The following COMMD10 variants were observed in gnomAD, a reference collection of about 807,000 sequenced individuals.
The protein encoded by COMMD10 is COMM domain-containing protein 10.
Under a neutral mutation model 28.9 loss-of-function variants are expected in COMMD10, and 33 were observed. The observed-to-expected ratio is 1.14, with a 90% CI of 0.87 to 1.53. The LOEUF (loss-of-function observed/expected upper bound fraction) is 1.53, where lower values mean the gene tolerates loss of function less well. Ranked by LOEUF, COMMD10 falls within the 40% of genes most tolerant of loss-of-function variation. The pLI is 0.00. For synonymous variants in COMMD10, 110 were observed against 81.7 expected, an observed-to-expected ratio of 1.35 and a Z score of -1.87; for missense variants, 310 against 233.4, an observed-to-expected ratio of 1.33 and a Z score of -2.14.
chr5:116,217,804 G>A (rs892956936), intron 5 of COMMD10, among the ~76,000 whole-genome samples: 1 of 152,002 alleles, frequency 6.6e-6, no homozygotes, highest in African/African-American at 2.4e-5. Flanking sequence ...AAACTAGAAG[G>A]GAAAAGTGTT....
At chr5:116,088,115 A>G (rs1208358622) in intron 2 of COMMD10, among the ~76,000 whole-genome samples, 1 of 152,200 alleles carries the variant, frequency 6.6e-6, no homozygotes, top group Non-Finnish European at 1.5e-5. Flanking sequence ...AATCCAAGTT[A>G]ATTTAGTTAA....
At chr5:116,181,358 T>A (rs1747952065) in intron 5 of COMMD10, among the ~76,000 whole-genome samples, 3 of 151,222 alleles carry the variant, frequency 2.0e-5, no homozygotes. Context: ...TTGACCAAGA[T>A]TATGCTTTAT....
chr5:116,114,373 G>A (rs1324998257), intron 4 of COMMD10, among the ~76,000 whole-genome samples: 1 of 152,142 alleles, frequency 6.6e-6, no homozygotes, highest in Non-Finnish European at 1.5e-5. Context: ...GTGGTAAGAT[G>A]CTCTCCCCAG....
At chr5:116,194,261 A>G (rs184994278) in intron 5 of COMMD10, among the ~76,000 whole-genome samples, 1 of 152,270 alleles carries the variant, frequency 6.6e-6, no homozygotes, top group Admixed American at 6.5e-5. Context: ...ACTTCAAGGA[A>G]CTAGAGAAAC....
intron 5 of COMMD10, among the ~76,000 whole-genome samples, chr5:116,151,353 T>A (rs1184117940): frequency 6.6e-6 from 1 of 152,150 alleles, no homozygotes; most frequent in East Asian, 1.9e-4. Flanking sequence ...AGCTTTGGTA[T>A]CAGGATGATG....
chr5:116,095,818 G>A (rs1750450521), intron 4 of COMMD10, among the ~76,000 whole-genome samples: 1 of 151,986 alleles, frequency 6.6e-6, no homozygotes, highest in African/African-American at 2.4e-5. Context: ...GCAGGTCAAA[G>A]TTCATTTTTT....
intron 5 of COMMD10, among the ~76,000 whole-genome samples, chr5:116,257,323 T>C (rs1750315538): frequency 6.6e-6 from 1 of 151,676 alleles, no homozygotes; most frequent in Non-Finnish European, 1.5e-5. Context: ...AGGGCCTTTA[T>C]AGAGATTTTA....
Position 116,148,316 on chromosome 5 carries a change from C to A in COMMD10, c.510+14138C>A, listed in dbSNP as rs140985843. On this transcript the variant is annotated intron_variant, in intron 5 of 6. Transcript: ENST00000274458. The stretch of plus-strand genomic sequence containing the variant: ...TTTGTTAATTCATGAGGTTTCTAAA[C>A]CATGAGATTTTGCTCCTTCCCTTTC... Among the ~76,000 whole-genome samples the A allele has an allele frequency of 3.0e-3, 451 of 151,960 alleles. 3 individuals carry two copies. Among genetic ancestry groups the A allele is most frequent in the African/African-American group, 0.01 (433 of 41,490 alleles).
intron 5 of COMMD10, among the ~76,000 whole-genome samples, chr5:116,233,207 G>C (rs1205412049): frequency 1.3e-5 from 2 of 152,118 alleles, no homozygotes; most frequent in Non-Finnish European, 1.5e-5. Flanking sequence ...GATAATGTAT[G>C]TGTGAGAGAG....
At chr5:116,162,437 G>C (rs1752948110) in intron 5 of COMMD10, among the ~76,000 whole-genome samples, 1 of 152,156 alleles carries the variant, frequency 6.6e-6, no homozygotes, top group Non-Finnish European at 1.5e-5. Flanking sequence ...TGGGTATTTT[G>C]TTTCCAGTTA....
chr5:116,214,088 A>G (rs745518323), intron 5 of COMMD10, among the ~76,000 whole-genome samples: 1 of 152,140 alleles, frequency 6.6e-6, no homozygotes. Flanking sequence ...GTGTTTGTGT[A>G]TATTTCATTC....
intron 5 of COMMD10, among the ~76,000 whole-genome samples, chr5:116,244,660 C>CAAAAAAAAAAAA (rs60360733): frequency 6.3e-5 from 5 of 79,472 alleles, no homozygotes; most frequent in South Asian, 5.3e-4. Context: ...AAAAAAATTA[C>CAAAAAAAAAAAA]AAAAAAAAAA....
intron 5 of COMMD10, among the ~76,000 whole-genome samples, chr5:116,186,183 T>C (rs1748130541): frequency 6.6e-6 from 1 of 152,204 alleles, no homozygotes; most frequent in African/African-American, 2.4e-5. Context: ...TTGGTTCAGC[T>C]GCAACTCTGT....
chr5:116,235,244 A>G (rs1456919698), intron 5 of COMMD10, among the ~76,000 whole-genome samples: 1 of 152,200 alleles, frequency 6.6e-6, no homozygotes, highest in Non-Finnish European at 1.5e-5. Context: ...TTGATAATGA[A>G]TACTTAATTC....
Position 116,211,793 on chromosome 5 carries a change from C to G in COMMD10, c.510+77615C>G, listed in dbSNP as rs568104249. Among the ~76,000 whole-genome samples, 39 of 152,212 alleles carry G rather than the reference C, an allele frequency of 2.6e-4. 1 individual carries two copies. The South Asian group carries it at 7.9e-3, about 31-fold the overall frequency. ...ATACACACACATGCACACGCACACT[C>G]TCTCACAGAGGCAGTCAACTGTTCA... On this transcript the variant is annotated intron_variant, in intron 5 of 6. Transcript: ENST00000274458.
At chr5:116,186,745 A>T (rs1748150547) in intron 5 of COMMD10, among the ~76,000 whole-genome samples, 1 of 152,168 alleles carries the variant, frequency 6.6e-6, no homozygotes, top group African/African-American at 2.4e-5. Flanking sequence ...GAATAAATTA[A>T]CAACTGTAGC....
chr5:116,113,065 A>G (rs1258570826), intron 4 of COMMD10, among the ~76,000 whole-genome samples: 3 of 152,096 alleles, frequency 2.0e-5, no homozygotes, highest in East Asian at 3.8e-4. Context: ...TTTCTCCTTT[A>G]TTTATGAAGC....
intron 5 of COMMD10, among the ~76,000 whole-genome samples, chr5:116,159,020 A>G (rs866326788): frequency 1.3e-5 from 2 of 152,094 alleles, no homozygotes; most frequent in Non-Finnish European, 2.9e-5. Flanking sequence ...GTGGCTAATC[A>G]TTTACATTTG....
intron 5 of COMMD10, among the ~76,000 whole-genome samples, chr5:116,252,244 T>G (rs987760504): frequency 9.9e-5 from 14 of 141,858 alleles, no homozygotes; most frequent in African/African-American, 3.8e-4. Context: ...TCCCATTTTG[T>G]AGGCTGCCTG....
Sources: gnomAD v4.1 joint callset for allele counts (sites outside exome capture counted in the v4.1 genomes callset) on GRCh38, gnomAD v4.1.1 for gene constraint, MANE v1.5 for transcripts, NCBI Gene and HGNC (gene_info 2026-07-23, HGNC 2026-07-21) for gene names.